Variants in ARFGEF3 observed in about 807,000 individuals in gnomAD.
The protein encoded by ARFGEF3 is brefeldin A-inhibited guanine nucleotide-exchange protein 3.
A neutral mutation model predicts 221.7 loss-of-function variants in ARFGEF3; 96 were observed. The ratio of observed to expected loss-of-function variants is 0.43; its 90% CI spans 0.37 to 0.51. The LOEUF is 0.51. ARFGEF3 is among the 20% of genes least tolerant of loss of function. The pLI is 0.00. For missense variants in ARFGEF3, 2,410 were observed against 2,789.9 expected (o/e 0.86, Z 3.07); for synonymous variants, 1,145 against 1,126.8 (o/e 1.02, Z -0.32).
In ARFGEF3 at chr6:138,334,410, G is replaced by A. The variant is rs1029813153; in HGVS notation, c.5564G>A (p.Cys1855Tyr). 6.2e-7 allele frequency: 1 copy of A among 1,612,448 alleles called. No individual in the cohort carries two copies. Among genetic ancestry groups the A allele is most frequent in the African/African-American group, 1.3e-5 (1 of 75,012 alleles). The stretch of plus-strand genomic sequence containing the variant: ...AGAAGCACGGATTCTTCCCAGCAGT[G>A]TTCATCTGAGGATGAAGACATCTTT... ...DERSTDSSQQ[C>Y]SSEDEDIFEE... The change falls in exon 33 of 34, where the codon TGT becomes TAT. Residue 1855 changes from cysteine to tyrosine, a missense_variant. Cys to Tyr is a radical substitution (Grantham distance 194). Transcript: ENST00000251691. The surrounding 1 kb of genome is among the most constrained non-coding windows in gnomAD (Gnocchi z 5.1).
At chr6:138,246,576 C>T (rs1427756230) in intron 8 of ARFGEF3, among the ~76,000 whole-genome samples, 3 of 152,146 alleles carry the variant, frequency 2.0e-5, no homozygotes, top group African/African-American at 7.2e-5. Flanking sequence ...ATGGTTTCTT[C>T]GTCAATTCTT....
chr6:138,207,247 C>G, intron 3 of ARFGEF3, 124 bp downstream of exon 3: 2 of 700,378 alleles, frequency 2.9e-6, no homozygotes, highest in East Asian at 5.4e-5. Flanking sequence ...TTTGATTGAA[C>G]TAGGAAATAA....
chr6:138,189,312 G>A (rs549677434), intron 2 of ARFGEF3, among the ~76,000 whole-genome samples: 110 of 152,322 alleles, frequency 7.2e-4, no homozygotes, highest in African/African-American at 2.4e-3. Context: ...GGAAACATAA[G>A]TATTGACACA....
intron 15 of ARFGEF3, among the ~76,000 whole-genome samples, chr6:138,286,489 G>A (rs1324566114): frequency 1.3e-5 from 2 of 152,074 alleles, no homozygotes; most frequent in East Asian, 3.9e-4. Flanking sequence ...GTAATTGATG[G>A]AAGTTACTTA....
chr6:138,214,717 C>T (rs563449396), intron 4 of ARFGEF3, among the ~76,000 whole-genome samples: 5 of 151,970 alleles, frequency 3.3e-5, no homozygotes, highest in South Asian at 4.1e-4. Context: ...TAAACAGAAA[C>T]GGGCCAATAA....
intron 5 of ARFGEF3, among the ~76,000 whole-genome samples, chr6:138,233,667 G>A (rs13208241): frequency 1.2e-3 from 177 of 152,174 alleles, no homozygotes; most frequent in Non-Finnish European, 1.9e-3. Flanking sequence ...ATGAGCCACC[G>A]TACCCGGCCA....
intron 12 of ARFGEF3, among the ~76,000 whole-genome samples, 164 bp from the exon 13 acceptor site, chr6:138,278,287 G>T (rs1411243500): frequency 6.6e-6 from 1 of 152,172 alleles, no homozygotes; most frequent in African/African-American, 2.4e-5. Flanking sequence ...CACCAGGCTG[G>T]GGTGTGTATC....
intron 33 of ARFGEF3, 29 bp downstream of exon 33, chr6:138,335,217 C>T (rs374451880): frequency 1.5e-5 from 23 of 1,496,892 alleles, no homozygotes; most frequent in Non-Finnish European, 1.9e-5. Flanking sequence ...AGCAGGTGGG[C>T]GGGAGGCTGG....
At position 138,321,895 on chromosome 6, in the gene ARFGEF3, T is replaced by C. The variant is rs186742669; in HGVS notation, c.4766+670T>C. On this transcript the variant is annotated intron_variant, in intron 29 of 33. Coordinates refer to ENST00000251691, the MANE Select transcript of ARFGEF3 (RefSeq NM_020340.5). The stretch of plus-strand genomic sequence containing the variant: ...GGGAAGAAAAAGAGCTTTAATGGAC[T>C]TACAGTTCCACGTGGCTGGGGAGGC... 2.0e-3 allele frequency among the ~76,000 whole-genome samples: 303 copies of C among 148,810 alleles called. 1 individual carries two copies. The highest frequency in any genetic ancestry group is 7.6e-3 in the African/African-American group (294 of 38,816).
At chr6:138,219,342 C>G (rs1448302653) in intron 4 of ARFGEF3, among the ~76,000 whole-genome samples, 1 of 152,094 alleles carries the variant, frequency 6.6e-6, no homozygotes, top group African/African-American at 2.4e-5. Flanking sequence ...TGAAGAGGCT[C>G]TAGAGGGCCT....
intron 27 of ARFGEF3, among the ~76,000 whole-genome samples, chr6:138,319,187 A>T (rs1469614936): frequency 6.6e-6 from 1 of 150,894 alleles, no homozygotes; most frequent in Non-Finnish European, 1.5e-5. Flanking sequence ...ACTGGGCTTA[A>T]TTAAGCAATC....
chr6:138,333,852 G>T, intron 32 of ARFGEF3, 118 bp from the exon 33 acceptor site: 1 of 1,116,388 alleles, frequency 9.0e-7, no homozygotes, highest in Non-Finnish European at 1.3e-6. Flanking sequence ...TTTGAGTAGA[G>T]GTAGTTTAGT....
chr6:138,250,493 A>G (rs1276159296), intron 8 of ARFGEF3, among the ~76,000 whole-genome samples: 2 of 152,216 alleles, frequency 1.3e-5, no homozygotes, highest in African/African-American at 2.4e-5. Context: ...AAGCATTCCC[A>G]CTGTCTGTCT....
intron 25 of ARFGEF3, among the ~76,000 whole-genome samples, chr6:138,312,640 T>C (rs1779849785): frequency 6.6e-6 from 1 of 152,154 alleles, no homozygotes; most frequent in African/African-American, 2.4e-5. Context: ...ATCTCCCAGA[T>C]CTAATCTGAA....
intron 4 of ARFGEF3, chr6:138,218,406 G>A (rs1777915981): frequency 6.6e-7 from 1 of 1,522,824 alleles, no homozygotes; most frequent in Non-Finnish European, 8.8e-7. Flanking sequence ...ATTTACTACT[G>A]TAAATTGAAT....
intron 12 of ARFGEF3, among the ~76,000 whole-genome samples, chr6:138,268,589 G>A (rs375592276): frequency 2.0e-5 from 3 of 152,244 alleles, no homozygotes; most frequent in Non-Finnish European, 2.9e-5. Context: ...AATAAAGTAC[G>A]TTTTTTATAA....
chr6:138,292,425 G>A (rs958610640), intron 19 of ARFGEF3, among the ~76,000 whole-genome samples: 3 of 152,130 alleles, frequency 2.0e-5, no homozygotes, highest in Admixed American at 6.5e-5. Flanking sequence ...CACCTGGAGC[G>A]GAGCTTGGAA....
At chr6:138,163,090 A>G (rs1776650723) in intron 1 of ARFGEF3, among the ~76,000 whole-genome samples, 1 of 151,680 alleles carries the variant, frequency 6.6e-6, no homozygotes, top group African/African-American at 2.4e-5. Context: ...ACTGTCTGTC[A>G]TGACACTGTG....
At position 138,262,748 on chromosome 6, in the gene ARFGEF3, C is replaced by T; in HGVS notation, c.1265C>T (p.Ala422Val). The change falls in exon 12 of 34, where the codon GCT becomes GTT. Residue 422 changes from alanine to valine, a missense_variant. Ala to Val is a moderately conservative substitution (Grantham distance 64). Around this residue, in one of 5 missense-constraint regions of ARFGEF3, gnomAD observed 570 missense variants for 586.9 expected, o/e 0.97. Coordinates refer to ENST00000251691, the MANE Select transcript of ARFGEF3 (RefSeq NM_020340.5). ...GCATGCATCAAGGGTGGCATCGAAGCTTGCTATGCAGCCGTGTCCTGTGTC... is the reference window on the plus strand; with the variant it reads ...GCATGCATCAAGGGTGGCATCGAAGTTTGCTATGCAGCCGTGTCCTGTGTC... The part of the protein sequence containing the change: ...TEACIKGGIE[A>V]CYAAVSCVCT... 1.2e-6 allele frequency: 2 copies of T among 1,611,250 alleles called. 1 individual carries two copies. The highest frequency in any genetic ancestry group is 2.2e-5 in the South Asian group (2 of 91,020).
Sources: gnomAD v4.1 joint callset for allele counts (sites outside exome capture counted in the v4.1 genomes callset) on GRCh38, gnomAD v4.1.1 for gene constraint, gnomAD v4.1.1 regional missense constraint, Gnocchi (gnomAD v3.1) non-coding constraint, MANE v1.5 for transcripts, NCBI Gene and HGNC (gene_info 2026-07-23, HGNC 2026-07-21) for gene names.